The following FER1L5 variants were observed in gnomAD, a reference collection of about 807,000 sequenced individuals.
FER1L5 encodes the protein fer-1 like family member 5.
A neutral mutation model predicts 279.9 loss-of-function variants in FER1L5; 187 were observed. The observed-to-expected ratio is 0.67, with a 90% confidence interval of 0.59 to 0.75. The LOEUF is 0.75. Among genes scored for constraint, FER1L5 ranks in the 30% least tolerant of loss-of-function variants. FER1L5 has a pLI of 0.00. For synonymous variants in FER1L5, 921 were observed against 989.7 expected, an observed-to-expected ratio of 0.93 and a Z score of 1.30; for missense variants, 2,091 against 2,594.4, an observed-to-expected ratio of 0.81 and a Z score of 4.21.
In FER1L5 at chr2:96,694,228, C is replaced by T; in HGVS notation, c.3637-132C>T. The T allele has an allele frequency of 7.7e-7, 1 of 1,292,992 alleles. No homozygotes were observed. The highest frequency in any genetic ancestry group is 1.0e-6 in the Non-Finnish European group (1 of 962,746). 80.1% of individuals were successfully genotyped at this position (1,292,992 alleles called of 1,614,324 possible). A position where few individuals can be genotyped will look rare whatever the true frequency, so the allele number is the denominator to read the frequency against. On this transcript the variant is annotated intron_variant, in intron 33 of 52. Transcript: ENST00000624922. The surrounding 1 kb of genome is among the most constrained non-coding windows in gnomAD (Gnocchi z 4.6). ...GGTGACGCTGGCCTGACCAGCCTCT[C>T]CCCTAAGTCCCCCTGCCAGCCCCTA...
chr2:96,677,421 G>A (rs139549917), intron 19 of FER1L5, among the ~76,000 whole-genome samples: 25 of 152,224 alleles, frequency 1.6e-4, no homozygotes, highest in East Asian at 1.5e-3. Context: ...TTCACTTGGC[G>A]TAATGTTTTC....
chr2:96,674,247 G>C (rs953374364), intron 19 of FER1L5, among the ~76,000 whole-genome samples: 1 of 152,178 alleles, frequency 6.6e-6, no homozygotes, highest in Admixed American at 6.5e-5. Context: ...TTTTGAGACA[G>C]AATGTCTCTC....
At chr2:96,652,158 G>A (rs2075409075) in intron 7 of FER1L5, 138 bp downstream of exon 7, 15 of 1,223,890 alleles carry the variant, frequency 1.2e-5, no homozygotes, top group Non-Finnish European at 1.6e-5. Flanking sequence ...TCTACTGAGG[G>A]CCAAGCACTG....
In FER1L5 at chr2:96,699,969, A is replaced by G; in HGVS notation, c.4819A>G (p.Ser1607Gly). The change falls in exon 44 of 53, where the codon AGC (serine) becomes GGC (glycine). Residue 1607 changes from serine (S) to glycine (G), a missense_variant. Ser to Gly is a moderately conservative substitution (Grantham distance 56). Coordinates refer to ENST00000624922, the MANE Select transcript of FER1L5 (RefSeq NM_001293083.2). ...PFRWRDQMPP[S>G]YLLERYAKRK... Reference sequence around the variant, plus strand: ...TAGATGGCGGGATCAGATGCCCCCAAGCTACCTCCTAGAACGCTATGCCAA... The same window carrying G: ...TAGATGGCGGGATCAGATGCCCCCAGGCTACCTCCTAGAACGCTATGCCAA... 6.2e-7 allele frequency: 1 copy of G among 1,613,924 alleles called. No individual in the cohort carries two copies. Among genetic ancestry groups the G allele is most frequent in the Non-Finnish European group, 8.5e-7 (1 of 1,179,850 alleles).
chr2:96,669,668 G>T (rs2076253414), intron 17 of FER1L5, among the ~76,000 whole-genome samples: 1 of 152,130 alleles, frequency 6.6e-6, no homozygotes. Flanking sequence ...CTTCCCCCCT[G>T]CCTCATTCCC....
rs1558852572 is a variant in FER1L5, at chr2:96,659,297, CCTTCCTT to C, written c.748-1042_748-1036del. The stretch of plus-strand genomic sequence containing the variant: ...AAGTCCAATTTATCAAGCTTTCCTT[CCTTCCTT>C]CCTTCCTTCCTTCCTTCCTTCCTTC... On this transcript the variant is annotated intron_variant, in intron 9 of 52. Transcript: ENST00000624922. 1.6e-3 allele frequency among the ~76,000 whole-genome samples: 45 copies of C among 27,704 alleles called. 2 individuals carry two copies. The highest frequency in any genetic ancestry group is 4.6e-3 in the African/African-American group (45 of 9,842). The allele number at this position is 27,704 out of a possible 152,430, so 18.2% of individuals were successfully genotyped here. A position where few individuals can be genotyped will look rare whatever the true frequency, so the allele number is the denominator to read the frequency against.
chr2:96,646,592 G>A (rs2075140720), intron 2 of FER1L5, 139 bp downstream of exon 2: 3 of 877,644 alleles, frequency 3.4e-6, no homozygotes, highest in Non-Finnish European at 5.3e-6. Flanking sequence ...GGGCATCTTG[G>A]CCTGGGAGTA....
chr2:96,648,606 T>C (rs2075235296), intron 4 of FER1L5, among the ~76,000 whole-genome samples: 1 of 152,208 alleles, frequency 6.6e-6, no homozygotes, highest in South Asian at 2.1e-4. Context: ...GCCTGGCCAT[T>C]TGGAGCTGAT....
chr2:96,676,914 C>G (rs1043574371), intron 19 of FER1L5, among the ~76,000 whole-genome samples: 1 of 152,064 alleles, frequency 6.6e-6, no homozygotes, highest in Non-Finnish European at 1.5e-5. Context: ...CGGAGTGCGG[C>G]GGTCTGCCTC....
chr2:96,667,526 T>C (rs1297290989), intron 14 of FER1L5, among the ~76,000 whole-genome samples: 1 of 152,060 alleles, frequency 6.6e-6, no homozygotes, highest in African/African-American at 2.4e-5. Context: ...TTTGTATTTT[T>C]AGTAGAGACA....
intron 19 of FER1L5, among the ~76,000 whole-genome samples, chr2:96,679,702 ATCAGAGGC>A (rs1285539839): frequency 1.1e-4 from 16 of 152,188 alleles, no homozygotes; most frequent in African/African-American, 3.4e-4. Flanking sequence ...AATTTTCTAC[ATCAGAGGC>A]TCCATTTATG....
intron 45 of FER1L5, among the ~76,000 whole-genome samples, chr2:96,701,476 C>T (rs1386609458): frequency 1.3e-5 from 2 of 152,170 alleles, no homozygotes; most frequent in Non-Finnish European, 2.9e-5. Context: ...TCATCCCTTA[C>T]CTTCTTTCCT....
At chr2:96,687,723 G>GGGGAA (rs59637347) in intron 23 of FER1L5, 93 bp from the exon 24 acceptor site, 124,322 of 1,509,082 alleles carry the variant, frequency 0.082, 7,469 homozygotes, top group African/African-American at 0.3. Context: ...AGGGCTCAGG[G>GGGGAA]GGGAAGGGGC....
chr2:96,687,642 G>T, intron 23 of FER1L5, 174 bp from the exon 24 acceptor site: 1 of 1,022,400 alleles, frequency 9.8e-7, no homozygotes, highest in East Asian at 2.7e-5. Context: ...ACCCCACTCT[G>T]GAGGGCAGAA....
chr2:96,685,231 C>G, intron 20 of FER1L5, 98 bp from the exon 21 acceptor site: 1 of 1,040,728 alleles, frequency 9.6e-7, no homozygotes, highest in Non-Finnish European at 1.4e-6. Flanking sequence ...TTCCCAAGGT[C>G]GTGGCTGAAA....
In FER1L5 at chr2:96,661,939, C is replaced by A. The variant is rs1040833758; in HGVS notation, c.1018+148C>A. 8 of 1,230,724 alleles carry A rather than the reference C, an allele frequency of 6.5e-6. No individual in the cohort carries two copies. The African/African-American group carries it at 1.2e-4, about 19-fold the overall frequency. 76.2% of individuals were successfully genotyped at this position (1,230,724 alleles called of 1,614,324 possible). A position where few individuals can be genotyped will look rare whatever the true frequency, so the allele number is the denominator to read the frequency against. On this transcript the variant is annotated intron_variant, in intron 12 of 52. Transcript: ENST00000624922. ...GGGTGAGACTGGAATTGCTCCCAGA[C>A]TTGTCCTGTGGAGGTGCCATGGACA...
intron 9 of FER1L5, among the ~76,000 whole-genome samples, chr2:96,659,356 TCCTTCC>T (rs1558853537): frequency 1.1e-4 from 8 of 70,798 alleles, no homozygotes; most frequent in Non-Finnish European, 1.7e-4. Context: ...CTTCCTTCCT[TCCTTCC>T]TTCTTTCTTT....
chr2:96,689,879 G>T lies in FER1L5; in HGVS notation c.2640+121G>T, dbSNP rs965624822. 41 of 813,216 alleles carry T rather than the reference G, an allele frequency of 5.0e-5. No homozygotes were observed. The highest frequency in any genetic ancestry group is 6.9e-5 in the Non-Finnish European group (36 of 523,012). 50.4% of individuals were successfully genotyped at this position (813,216 alleles called of 1,614,324 possible). ...CCCTATGCCCTGCACTATGTGTGGG[G>T]CCCCGGGTGAGCGCACCAGCCCTCA... On this transcript the variant is annotated intron_variant, in intron 26 of 52. Coordinates refer to ENST00000624922, the MANE Select transcript of FER1L5 (RefSeq NM_001293083.2). This position sits in a 1 kb window ranked among gnomAD's most constrained non-coding sequence, Gnocchi z 4.6.
In FER1L5 at chr2:96,647,863, A is replaced by G; in HGVS notation, c.316A>G (p.Asn106Asp). 6.4e-7 allele frequency: 1 copy of G among 1,551,806 alleles called. No individual in the cohort carries two copies. The highest frequency in any genetic ancestry group is 1.2e-5 in the South Asian group (1 of 84,064). Residue 106 changes from asparagine (N) to aspartate (D), a missense_variant, in exon 4 of 53, where the codon AAC becomes GAC. By Grantham distance (23) the Asn-to-Asp change is conservative (BLOSUM62 1). Transcript: ENST00000624922. ...VLFVKDLTLL[N>D]HSMKPTDCTV... is the part of the protein sequence containing the mutation. ...TTTTGTGAAGGACTTGACCCTGCTC[A>G]ACCATTCCATGAAGCCCACAGATGT...
Sources: allele counts gnomAD v4.1 joint callset (sites outside exome capture counted in the v4.1 genomes callset), GRCh38; gene constraint gnomAD v4.1.1; non-coding constraint Gnocchi (gnomAD v3.1); transcripts MANE v1.5; gene names NCBI Gene and HGNC (gene_info 2026-07-23, HGNC 2026-07-21).